Variants in MCC observed in about 807,000 individuals in gnomAD.
MCC encodes the protein colorectal mutant cancer protein.
Under a neutral mutation model 116.2 loss-of-function variants are expected in MCC, and 90 were observed. The observed-to-expected ratio is 0.77, with a 90% CI of 0.65 to 0.92. The LOEUF (loss-of-function observed/expected upper bound fraction) is 0.92, where lower values mean the gene tolerates loss of function less well. MCC is among the 40% of genes least tolerant of loss of function. The probability of loss-of-function intolerance (pLI) is 0.00; values close to 1 mark genes in which losing one functional copy is unlikely to be tolerated. For missense variants in MCC, 1,516 were observed against 1,312.2 expected, an observed-to-expected ratio of 1.16 and a Z score of -2.40; for synonymous variants, 578 against 510.5, an observed-to-expected ratio of 1.13 and a Z score of -1.78.
At chr5:113,219,583 T>A (rs1409531052) in intron 3 of MCC, among the ~76,000 whole-genome samples, 1 of 152,222 alleles carries the variant, frequency 6.6e-6, no homozygotes, top group Non-Finnish European at 1.5e-5. Context: ...TAATCATTGC[T>A]TTAAAATTTC....
At chr5:113,440,322 T>C (rs1045266565) in intron 1 of MCC, among the ~76,000 whole-genome samples, 1 of 152,162 alleles carries the variant, frequency 6.6e-6, no homozygotes, top group African/African-American at 2.4e-5. Flanking sequence ...CTTTATCATC[T>C]GGATCCTGCT....
intron 1 of MCC, among the ~76,000 whole-genome samples, chr5:113,443,879 A>G (rs1302666743): frequency 2.0e-5 from 3 of 152,096 alleles, no homozygotes; most frequent in Non-Finnish European, 4.4e-5. Context: ...GCTGGAGTGC[A>G]GTGGCATGAT....
chr5:113,419,156 C>CT (rs768872637), intron 1 of MCC, among the ~76,000 whole-genome samples: 2 of 150,204 alleles, frequency 1.3e-5, no homozygotes, highest in African/African-American at 4.9e-5. Context: ...TAGGAATATT[C>CT]TTTTTTTTCT....
chr5:113,288,890 G>T (rs1766370662), intron 3 of MCC, among the ~76,000 whole-genome samples: 1 of 151,926 alleles, frequency 6.6e-6, no homozygotes, highest in Non-Finnish European at 1.5e-5. Context: ...AATAACAGAA[G>T]GCACCTCAGA....
intron 3 of MCC, among the ~76,000 whole-genome samples, chr5:113,206,687 C>T (rs778745785): frequency 2.0e-5 from 3 of 152,072 alleles, no homozygotes; most frequent in East Asian, 3.8e-4. Context: ...CCAGCCTGTG[C>T]GACAGAGCGA....
intron 1 of MCC, among the ~76,000 whole-genome samples, chr5:113,410,470 G>A (rs1159026227): frequency 1.3e-5 from 2 of 152,264 alleles, no homozygotes; most frequent in African/African-American, 4.8e-5. Flanking sequence ...TAGAGTTCAC[G>A]AGTCAAAAAA....
At chr5:113,287,220 C>G (rs1193365541) in intron 3 of MCC, among the ~76,000 whole-genome samples, 1 of 148,408 alleles carries the variant, frequency 6.7e-6, no homozygotes, top group Non-Finnish European at 1.5e-5. Flanking sequence ...GATTTTATAA[C>G]CTTGCCAACA....
At chr5:113,252,783 C>A (rs1278994526) in intron 3 of MCC, among the ~76,000 whole-genome samples, 1 of 151,822 alleles carries the variant, frequency 6.6e-6, no homozygotes, top group Admixed American at 6.6e-5. Flanking sequence ...CACCCCCAGA[C>A]TCCAGTTTCT....
chr5:113,042,033 A>T (rs1580903319), intron 17 of MCC, among the ~76,000 whole-genome samples: 1 of 152,066 alleles, frequency 6.6e-6, no homozygotes, highest in Non-Finnish European at 1.5e-5. Context: ...CAGGTGACCT[A>T]GGAATTTAAA....
chr5:113,187,066 A>G (rs1761930119), intron 3 of MCC, among the ~76,000 whole-genome samples: 1 of 152,336 alleles, frequency 6.6e-6, no homozygotes, highest in South Asian at 2.1e-4. Context: ...GGATACTTTG[A>G]GGCTCCTCAA....
chr5:113,172,142 A>G (rs147975691), intron 3 of MCC, among the ~76,000 whole-genome samples: 29 of 152,326 alleles, frequency 1.9e-4, no homozygotes, highest in African/African-American at 5.8e-4. Flanking sequence ...GTTCATACCC[A>G]ATAGACACAG....
intron 3 of MCC, among the ~76,000 whole-genome samples, chr5:113,265,552 AC>A (rs1317531385): frequency 2.6e-5 from 4 of 152,124 alleles, no homozygotes; most frequent in Admixed American, 2.6e-4. Flanking sequence ...ATATTAGGGT[AC>A]CTTTGGTTGA....
At chr5:113,212,619 C>G (rs1763173747) in intron 3 of MCC, among the ~76,000 whole-genome samples, 1 of 152,190 alleles carries the variant, frequency 6.6e-6, no homozygotes, top group South Asian at 2.1e-4. Flanking sequence ...ACACAAAATT[C>G]TCTATCATTT....
chr5:113,407,511 C>T (rs1461701603), intron 1 of MCC, among the ~76,000 whole-genome samples: 2 of 152,166 alleles, frequency 1.3e-5, no homozygotes, highest in Admixed American at 1.3e-4. Context: ...GAGCCAGTGT[C>T]TCCCCTACAG....
intron 1 of MCC, among the ~76,000 whole-genome samples, chr5:113,442,580 A>G (rs1330020156): frequency 6.6e-6 from 1 of 152,170 alleles, no homozygotes. Context: ...ACCCATGCCT[A>G]TGTCCTGAAT....
chr5:113,471,150 G>C (rs557236099), intron 1 of MCC, among the ~76,000 whole-genome samples: 3 of 151,592 alleles, frequency 2.0e-5, no homozygotes, highest in Non-Finnish European at 4.4e-5. Flanking sequence ...TCAGTCATTT[G>C]ATCGTCTGAA....
chr5:113,075,634 C>T (rs1173668246), intron 11 of MCC, among the ~76,000 whole-genome samples: 2 of 152,200 alleles, frequency 1.3e-5, no homozygotes, highest in Admixed American at 1.3e-4. Context: ...AATCACCTCT[C>T]TGTAAAACAG....
chr5:113,029,265 CAA>C (rs1750792251), intron 17 of MCC, among the ~76,000 whole-genome samples: 1 of 151,798 alleles, frequency 6.6e-6, no homozygotes, highest in South Asian at 2.1e-4. Flanking sequence ...TCTTCAATGA[CAA>C]GGGCTTTTTA....
chr5:113,388,667 G>GGT (rs1769330974), intron 1 of MCC, among the ~76,000 whole-genome samples: 1 of 152,206 alleles, frequency 6.6e-6, no homozygotes, highest in Admixed American at 6.5e-5. Flanking sequence ...GCCTTCACCA[G>GGT]AAGCAGATGC....
Sources: gnomAD v4.1 joint callset for allele counts (sites outside exome capture counted in the v4.1 genomes callset) on GRCh38, gnomAD v4.1.1 for gene constraint, MANE v1.5 for transcripts, NCBI Gene and HGNC (gene_info 2026-07-23, HGNC 2026-07-21) for gene names.